The following ATAD2B variants were observed in gnomAD, a reference collection of about 807,000 sequenced individuals.
ATAD2B encodes the protein ATPase family AAA domain-containing protein 2B.
A neutral mutation model predicts 167.6 loss-of-function variants in ATAD2B; 40 were observed. The observed-to-expected ratio is 0.24, with a 90% CI of 0.19 to 0.31. The LOEUF is 0.31. ATAD2B is among the 10% of genes least tolerant of loss of function. ATAD2B has a pLI of 1.00. For missense variants in ATAD2B, 1,242 were observed against 1,757.2 expected, an observed-to-expected ratio of 0.71 and a Z score of 5.24; for synonymous variants, 579 against 596.5, an observed-to-expected ratio of 0.97 and a Z score of 0.43.
chr2:23,678,492 A>C, the ATAD2B span, among the ~76,000 whole-genome samples: 19,743 of 152,276 alleles, frequency 0.13, 1,468 homozygotes, highest in Middle Eastern at 0.21. Context: ...CACGTGGAGC[A>C]GAAATGAGTT....
chr2:23,874,670 G>A (rs1468307998), intron 8 of ATAD2B, among the ~76,000 whole-genome samples: 1 of 151,566 alleles, frequency 6.6e-6, no homozygotes, highest in Non-Finnish European at 1.5e-5. Context: ...AGCACGCCTA[G>A]GTGACAGAGC....
chr2:23,819,550 A>G (rs1687137125), intron 17 of ATAD2B, among the ~76,000 whole-genome samples, 197 bp downstream of exon 17: 1 of 152,022 alleles, frequency 6.6e-6, no homozygotes, highest in South Asian at 2.1e-4. Context: ...AGAAAAAAAC[A>G]CCTAGGTAGT....
At chr2:23,715,781 T>G in the ATAD2B span, among the ~76,000 whole-genome samples, 1 of 152,184 alleles carries the variant, frequency 6.6e-6, no homozygotes, top group Non-Finnish European at 1.5e-5. Context: ...GATTTGTGAC[T>G]GATTTTTTAC....
chr2:23,844,563 T>C (rs898185999), intron 13 of ATAD2B, among the ~76,000 whole-genome samples: 5 of 152,224 alleles, frequency 3.3e-5, no homozygotes, highest in African/African-American at 2.4e-5. Context: ...TATATGTATA[T>C]GTATAGATGA....
At chr2:23,864,992 TAA>T (rs1052815429) in intron 10 of ATAD2B, 68 bp from the exon 11 acceptor site, 46 of 902,748 alleles carry the variant, frequency 5.1e-5, no homozygotes, top group Non-Finnish European at 7.0e-5. Flanking sequence ...TTAAAATTTA[TAA>T]AAGAGTCTTA....
rs188331632 is a variant in ATAD2B at position 23,854,666 on chromosome 2, G to A, written c.1568+2749C>T. Among the ~76,000 whole-genome samples, 245 of 145,704 alleles carry A rather than the reference G, an allele frequency of 1.7e-3. 1 individual carries two copies. Among genetic ancestry groups the A allele is most frequent in the African/African-American group, 5.9e-3 (232 of 39,402 alleles). On this transcript the variant is annotated intron_variant, in intron 13 of 27. Coordinates refer to ENST00000238789, the MANE Select transcript of ATAD2B (RefSeq NM_017552.4). ...GCACTCCAGCCTGGGGCACAAGATC[G>A]AGACTTCGTCTCAAAAAAAAAAAAA...
At chr2:23,768,203 G>C (rs1677740071) in intron 22 of ATAD2B, among the ~76,000 whole-genome samples, 1 of 152,112 alleles carries the variant, frequency 6.6e-6, no homozygotes, top group African/African-American at 2.4e-5. Flanking sequence ...GATACATTTT[G>C]AGGTAAGTAC....
chr2:23,827,648 T>C (rs180764823), intron 15 of ATAD2B: 39 of 152,738 alleles, frequency 2.6e-4, no homozygotes, highest in African/African-American at 8.7e-4. Context: ...GACTGGATTT[T>C]ATACCAAATA....
At chr2:23,825,174 C>A (rs1572923564) in intron 15 of ATAD2B, among the ~76,000 whole-genome samples, 1 of 147,780 alleles carries the variant, frequency 6.8e-6, no homozygotes. Flanking sequence ...TCTCAAACTC[C>A]TAGCCTCAAT....
intron 16 of ATAD2B, among the ~76,000 whole-genome samples, chr2:23,820,983 C>T (rs1196076471): frequency 6.6e-6 from 1 of 151,968 alleles, no homozygotes; most frequent in African/African-American, 2.4e-5. Context: ...TAGTACAAGT[C>T]ATAGTTTAAT....
intron 4 of ATAD2B, among the ~76,000 whole-genome samples, chr2:23,887,404 A>C (rs1167427088): frequency 1.3e-5 from 2 of 152,200 alleles, no homozygotes; most frequent in Non-Finnish European, 2.9e-5. Flanking sequence ...TACTTAGATA[A>C]CATTAACTAT....
intron 2 of ATAD2B, 45 bp from the exon 3 acceptor site, chr2:23,888,444 T>A (rs575103870): frequency 8.3e-7 from 1 of 1,210,458 alleles, no homozygotes; most frequent in South Asian, 1.6e-5. Flanking sequence ...CAACATTTGC[T>A]TATATAAGCA....
At chr2:23,717,971 A>G in the ATAD2B span, among the ~76,000 whole-genome samples, 4 of 152,230 alleles carry the variant, frequency 2.6e-5, no homozygotes, top group African/African-American at 9.6e-5. Context: ...TAAGACAAAC[A>G]GAAGGGTAAA....
At chr2:23,698,887 C>A in the ATAD2B span, among the ~76,000 whole-genome samples, 2 of 152,180 alleles carry the variant, frequency 1.3e-5, no homozygotes, top group African/African-American at 4.8e-5. Context: ...GTGCGATGTG[C>A]CATCATACTG....
chr2:23,853,172 C>T (rs1692839330), intron 13 of ATAD2B, among the ~76,000 whole-genome samples: 1 of 152,010 alleles, frequency 6.6e-6, no homozygotes, highest in African/African-American at 2.4e-5. Flanking sequence ...GTTTTACAGC[C>T]AATGAAGGAA....
At chr2:23,866,834 T>C (rs1447513567) in intron 10 of ATAD2B, among the ~76,000 whole-genome samples, 3 of 152,188 alleles carry the variant, frequency 2.0e-5, no homozygotes, top group African/African-American at 2.4e-5. Flanking sequence ...AGAGAGATTT[T>C]TGGGAAAAAA....
At chr2:23,759,101 TAC>T in intron 24 of ATAD2B, among the ~76,000 whole-genome samples, 1 of 152,158 alleles carries the variant, frequency 6.6e-6, no homozygotes, top group African/African-American at 2.4e-5. Flanking sequence ...AACACTTAAA[TAC>T]AAAAATTATT....
intron 1 of ATAD2B, among the ~76,000 whole-genome samples, chr2:23,907,331 A>G (rs1166896113): frequency 6.6e-6 from 1 of 152,010 alleles, no homozygotes; most frequent in Non-Finnish European, 1.5e-5. Context: ...ACAACAGACA[A>G]ACAGAGAGCC....
chr2:23,882,063 T>C (rs1372737167), intron 6 of ATAD2B, among the ~76,000 whole-genome samples: 2 of 152,078 alleles, frequency 1.3e-5, no homozygotes, highest in Non-Finnish European at 2.9e-5. Context: ...CTAAGTACAG[T>C]TAAAATAAGA....
Sources: gnomAD v4.1 joint callset for allele counts (sites outside exome capture counted in the v4.1 genomes callset) on GRCh38, gnomAD v4.1.1 for gene constraint, MANE v1.5 for transcripts, NCBI Gene and HGNC (gene_info 2026-07-23, HGNC 2026-07-21) for gene names.